Variants in RDX observed in about 807,000 individuals in gnomAD.
The protein encoded by RDX is radixin.
RDX carries 32 observed loss-of-function variants against 83.7 expected under a neutral mutation model. The ratio of observed to expected loss-of-function variants is 0.38; its 90% confidence interval spans 0.29 to 0.51. RDX has a LOEUF of 0.51. Ranked by LOEUF, RDX falls within the 20% of genes least tolerant of loss-of-function variation. The probability of loss-of-function intolerance (pLI) is 0.87; values close to 1 mark genes in which losing one functional copy is unlikely to be tolerated. For missense variants in RDX, 600 were observed against 689.9 expected, an observed-to-expected ratio of 0.87 and a Z score of 1.46; for synonymous variants, 229 against 222.7, an observed-to-expected ratio of 1.03 and a Z score of -0.25.
chr11:110,282,928 G>C (rs1860821876), intron 1 of RDX, among the ~76,000 whole-genome samples: 1 of 152,120 alleles, frequency 6.6e-6, no homozygotes, highest in Non-Finnish European at 1.5e-5. Flanking sequence ...AGTGAGTTAT[G>C]ATCATGCCAC....
At chr11:110,263,608 C>A (rs1040169729) in intron 5 of RDX, among the ~76,000 whole-genome samples, 1 of 151,548 alleles carries the variant, frequency 6.6e-6, no homozygotes, top group South Asian at 2.1e-4. Context: ...TGCCTGTAAT[C>A]CCAGCACTTT....
At chr11:110,255,037 C>T (rs1196620915) in intron 8 of RDX, among the ~76,000 whole-genome samples, 1 of 151,984 alleles carries the variant, frequency 6.6e-6, no homozygotes, top group Admixed American at 6.6e-5. Flanking sequence ...CATTAGCCTC[C>T]TAATAAATAT....
chr11:110,268,907 A>G, intron 3 of RDX, among the ~76,000 whole-genome samples: 1 of 151,438 alleles, frequency 6.6e-6, no homozygotes, highest in East Asian at 1.9e-4. Context: ...GTTACATACT[A>G]TCATGCTAAT....
intron 15 of RDX, among the ~76,000 whole-genome samples, chr11:110,183,049 G>GGAGT (rs1266950414): frequency 6.6e-6 from 1 of 152,198 alleles, no homozygotes; most frequent in African/African-American, 2.4e-5. Flanking sequence ...CCAGACCACA[G>GGAGT]GAGTCAGCCC....
At chr11:110,276,252 T>G (rs1454363134) in intron 2 of RDX, among the ~76,000 whole-genome samples, 1 of 152,220 alleles carries the variant, frequency 6.6e-6, no homozygotes, top group Non-Finnish European at 1.5e-5. Flanking sequence ...AGGGTTTTTT[T>G]TTAATCCCAA....
intron 14 of RDX, among the ~76,000 whole-genome samples, chr11:110,220,142 C>T (rs1383571986): frequency 4.6e-5 from 7 of 152,082 alleles, no homozygotes; most frequent in African/African-American, 1.2e-4. Context: ...GGGAGTGATA[C>T]CTTCTAAGAG....
intron 6 of RDX, 93 bp downstream of exon 6, chr11:110,258,013 A>T: frequency 1.3e-6 from 2 of 1,484,042 alleles, no homozygotes; most frequent in South Asian, 2.3e-5. Flanking sequence ...ACATAAGTCA[A>T]ACAATCTTTT....
At chr11:110,209,281 G>A (rs374453344) in intron 14 of RDX, among the ~76,000 whole-genome samples, 19 of 152,006 alleles carry the variant, frequency 1.2e-4, no homozygotes, top group Non-Finnish European at 2.1e-4. Context: ...CTTTTCCGAC[G>A]GGCTTAAAAA....
intron 14 of RDX, among the ~76,000 whole-genome samples, chr11:110,200,994 A>G (rs11213303): frequency 0.45 from 68,030 of 151,776 alleles, 15,475 homozygotes; most frequent in East Asian, 0.6. Context: ...TGACCAACAT[A>G]GAGAAATCCT....
At chr11:110,224,891 T>G (rs1208011377), downstream of RDX, among the ~76,000 whole-genome samples, 1 of 152,202 alleles carries the variant, frequency 6.6e-6, no homozygotes, top group African/African-American at 2.4e-5. Flanking sequence ...ATACTTTACA[T>G]CACAACATGA....
intron 9 of RDX, among the ~76,000 whole-genome samples, chr11:110,251,506 T>C (rs114325253): frequency 0.012 from 1,834 of 152,324 alleles, 39 homozygotes; most frequent in African/African-American, 0.041. Context: ...CTCAAAATTA[T>C]CTGTTCGATT....
chr11:110,223,278 G>T (rs577955485), intron 14 of RDX, among the ~76,000 whole-genome samples: 4 of 152,192 alleles, frequency 2.6e-5, no homozygotes, highest in African/African-American at 9.6e-5. Flanking sequence ...GCGTGAACCC[G>T]GGAGGTGGAG....
chr11:110,277,599 C>T (rs577358430), intron 2 of RDX, among the ~76,000 whole-genome samples: 58 of 151,940 alleles, frequency 3.8e-4, no homozygotes, highest in African/African-American at 9.7e-4. Flanking sequence ...GGATTACAGG[C>T]GTGATTTACC....
chr11:110,179,989 C>T (rs1862853926), intron 15 of RDX: 2 of 361,934 alleles, frequency 5.5e-6, no homozygotes, highest in Non-Finnish European at 1.1e-5. Flanking sequence ...GCAACCTCCG[C>T]CTCACAGGTT....
At chr11:110,288,201 T>C (rs543702991) in intron 1 of RDX, 8 of 152,350 alleles carry the variant, frequency 5.3e-5, no homozygotes, top group African/African-American at 1.9e-4. Flanking sequence ...TACATGTTAC[T>C]GAAAATGCAA....
intron 15 of RDX, among the ~76,000 whole-genome samples, chr11:110,184,419 G>A (rs183949890): frequency 3.3e-5 from 5 of 152,078 alleles, no homozygotes; most frequent in Admixed American, 2.6e-4. Context: ...GGAAATCCAG[G>A]TCCCTGAGGG....
At chr11:110,234,086 C>T (rs1208213353) in intron 12 of RDX, among the ~76,000 whole-genome samples, 1 of 152,122 alleles carries the variant, frequency 6.6e-6, no homozygotes, top group African/African-American at 2.4e-5. Flanking sequence ...GAACAATACC[C>T]CCTTTTTCTC....
At chr11:110,216,325 G>T (rs1015935270) in intron 14 of RDX, among the ~76,000 whole-genome samples, 4 of 151,636 alleles carry the variant, frequency 2.6e-5, no homozygotes, top group Admixed American at 1.3e-4. Context: ...GTGTCCAGTG[G>T]GCTACTTCTG....
intron 2 of RDX, among the ~76,000 whole-genome samples, chr11:110,274,054 C>G (rs935492571): frequency 1.3e-5 from 2 of 152,196 alleles, no homozygotes; most frequent in African/African-American, 4.8e-5. Flanking sequence ...ACAACCTCAG[C>G]ACATTATAGC....
Sources: gnomAD v4.1 joint callset for allele counts (sites outside exome capture counted in the v4.1 genomes callset) on GRCh38, gnomAD v4.1.1 for gene constraint, MANE v1.5 for transcripts, NCBI Gene and HGNC (gene_info 2026-07-23, HGNC 2026-07-21) for gene names.